Variants in KALRN observed in about 807,000 individuals in gnomAD.
KALRN encodes kalirin.
A neutral mutation model predicts 353.7 loss-of-function variants in KALRN; 70 were observed. The observed-to-expected ratio is 0.20, with a 90% confidence interval of 0.16 to 0.24. KALRN has a LOEUF of 0.24. KALRN is among the 10% of genes least tolerant of loss of function. The pLI is 1.00. For missense variants in KALRN, 2,791 were observed against 3,756.7 expected (o/e 0.74, Z 6.72); for synonymous variants, 1,391 against 1,434.8 (o/e 0.97, Z 0.69).
intron 34 of KALRN, among the ~76,000 whole-genome samples, chr3:124,617,188 G>A (rs2078707962): frequency 6.6e-6 from 1 of 152,074 alleles, no homozygotes; most frequent in South Asian, 2.1e-4. Flanking sequence ...AAAAAAATTA[G>A]CTGGGCATGG....
chr3:124,258,597 C>A (rs1375917185), intron 3 of KALRN, among the ~76,000 whole-genome samples: 1 of 152,126 alleles, frequency 6.6e-6, no homozygotes, highest in African/African-American at 2.4e-5. Context: ...GGGATCTCAC[C>A]CACTTGTGTG....
chr3:124,471,427 A>G (rs2107924987), intron 25 of KALRN, among the ~76,000 whole-genome samples: 1 of 151,816 alleles, frequency 6.6e-6, no homozygotes, highest in East Asian at 1.9e-4. Flanking sequence ...CTGGGCTTAC[A>G]GGCGCCCACC....
At chr3:124,586,628 G>A (rs2075219869) in intron 34 of KALRN, among the ~76,000 whole-genome samples, 1 of 152,194 alleles carries the variant, frequency 6.6e-6, no homozygotes. Flanking sequence ...GGAGGCGTGC[G>A]AGTGGCTATC....
intron 28 of KALRN, among the ~76,000 whole-genome samples, chr3:124,487,398 G>T (rs922087780): frequency 1.3e-5 from 2 of 152,308 alleles, no homozygotes; most frequent in East Asian, 1.9e-4. Flanking sequence ...AAGAAAGAGG[G>T]TATTGCCCCT....
At chr3:124,069,432 G>A (rs768506176) in intron 1 of KALRN, among the ~76,000 whole-genome samples, 7 of 151,872 alleles carry the variant, frequency 4.6e-5, no homozygotes, top group Non-Finnish European at 1.0e-4. Flanking sequence ...GAGCTGAGTC[G>A]ACACGTGTCC....
rs1329224983 is a variant in KALRN at position 124,334,817 on chromosome 3, C to CA, written c.1647+323dup. Among the ~76,000 whole-genome samples, 1 of 152,146 alleles carries CA rather than the reference C, an allele frequency of 6.6e-6. No homozygotes were observed. Among genetic ancestry groups the CA allele is most frequent in the Non-Finnish European group, 1.5e-5 (1 of 68,036 alleles). ...TTTGTTTTGTTTTGTTTTTTGGAAA[C>CA]AGAGTCTCGCTCTGCCGCCTGGGCT... is the stretch of plus-strand genomic sequence containing the variant. On this transcript the variant is annotated intron_variant, in intron 9 of 59. Coordinates refer to ENST00000682506, the MANE Select transcript of KALRN (RefSeq NM_001388419.1). This position sits in a 1 kb window ranked among gnomAD's most constrained non-coding sequence, Gnocchi z 4.2.
chr3:124,277,383 C>T (rs1201005999), intron 5 of KALRN, among the ~76,000 whole-genome samples: 6 of 152,098 alleles, frequency 3.9e-5, no homozygotes, highest in African/African-American at 7.2e-5. Flanking sequence ...CTCCTGTTGA[C>T]GGAGCTCAGG....
At chr3:124,660,802 C>A in intron 43 of KALRN, 121 bp from the exon 44 acceptor site, 2 of 708,738 alleles carry the variant, frequency 2.8e-6, no homozygotes, top group Non-Finnish European at 5.1e-6. Context: ...TACACCATTG[C>A]CACTTCTGCT....
chr3:124,269,875 TTTTCTG>T, intron 5 of KALRN, among the ~76,000 whole-genome samples: 1 of 152,320 alleles, frequency 6.6e-6, no homozygotes, highest in South Asian at 2.1e-4. Flanking sequence ...AATCCAGCAT[TTTTCTG>T]TTTCTAAGTC....
In KALRN at chr3:124,334,724, G is replaced by A. The variant is rs1462599921; in HGVS notation, c.1647+229G>A. On this transcript the variant is annotated intron_variant, in intron 9 of 59. Coordinates refer to ENST00000682506, the MANE Select transcript of KALRN (RefSeq NM_001388419.1). This position sits in a 1 kb window ranked among gnomAD's most constrained non-coding sequence, Gnocchi z 4.2. ...CTGTATAGACTGGCCTTCTCACCAC[G>A]TGGTATTGTAAAGGGAGACTCAGTC... Among the ~76,000 whole-genome samples, 14 of 152,202 alleles carry A rather than the reference G, an allele frequency of 9.2e-5. No individual in the cohort carries two copies. Among genetic ancestry groups the A allele is most frequent in the Admixed American group, 9.2e-4 (14 of 15,284 alleles).
At chr3:124,544,866 G>T (rs1375643054) in intron 33 of KALRN, among the ~76,000 whole-genome samples, 2 of 152,174 alleles carry the variant, frequency 1.3e-5, no homozygotes, top group Non-Finnish European at 2.9e-5. Context: ...CAATCCTAAA[G>T]GGGCAGGACA....
chr3:124,530,865 A>G (rs2067985508), intron 33 of KALRN, among the ~76,000 whole-genome samples: 1 of 152,206 alleles, frequency 6.6e-6, no homozygotes. Context: ...TCCCTAAGAC[A>G]ATTCAATCGA....
At chr3:124,312,171 T>C (rs569330341) in intron 6 of KALRN, among the ~76,000 whole-genome samples, 1 of 152,316 alleles carries the variant, frequency 6.6e-6, no homozygotes, top group South Asian at 2.1e-4. Context: ...TTTCATTTCA[T>C]TTCATTTAGA....
chr3:124,296,957 T>C (rs965725370), intron 5 of KALRN, among the ~76,000 whole-genome samples: 3 of 152,216 alleles, frequency 2.0e-5, no homozygotes, highest in African/African-American at 7.2e-5. Flanking sequence ...CAACAGCCAA[T>C]ATTCACCTCT....
intron 6 of KALRN, among the ~76,000 whole-genome samples, chr3:124,303,059 TG>T (rs1346096782): frequency 5.9e-5 from 9 of 152,280 alleles, no homozygotes; most frequent in South Asian, 2.1e-4. Context: ...AAGAAATAAT[TG>T]CATATCATTA....
rs202156623 is a variant in KALRN at position 124,330,459 on chromosome 3, A to AT, written c.1416+471dup. Among the ~76,000 whole-genome samples, 71 of 152,102 alleles carry AT rather than the reference A, an allele frequency of 4.7e-4. No homozygotes were observed. The East Asian group carries it at 0.013, about 28-fold the overall frequency. On this transcript the variant is annotated intron_variant, in intron 8 of 59. Transcript: ENST00000682506. ...GAAGCAGCTCATTAAAAAAAGATTA[A>AT]TTTTCTCACTAGACGATCCAGAGGA...
chr3:124,671,611 CT>C, intron 47 of KALRN, 48 bp from the exon 48 acceptor site: 1 of 1,391,792 alleles, frequency 7.2e-7, no homozygotes, highest in South Asian at 1.2e-5. Flanking sequence ...CCTCCAAATC[CT>C]TGTGGGATTC....
At position 124,422,979 on chromosome 3, in the gene KALRN, G is replaced by T; in HGVS notation, c.2709+1G>T. 1 of 1,613,282 alleles carries T rather than the reference G, an allele frequency of 6.2e-7. No individual in the cohort carries two copies. The highest frequency in any genetic ancestry group is 8.5e-7 in the Non-Finnish European group (1 of 1,179,506). ...TCACCTCCAGGCTGAAGTCAAACAG[G>T]TAAGCCCAGCCCTTCTTCCTTCAGC... is the stretch of plus-strand genomic sequence containing the variant. On this transcript the variant is annotated splice_donor_variant, in intron 15 of 59. Transcript: ENST00000682506. LOFTEE classifies it high-confidence loss of function.
At position 124,561,773 on chromosome 3, in the gene KALRN, C is replaced by T. The variant is rs79470403; in HGVS notation, c.4936-1070C>T. Among the ~76,000 whole-genome samples, 601 of 152,300 alleles carry T rather than the reference C, an allele frequency of 3.9e-3. 3 individuals are homozygous for T. The highest frequency in any genetic ancestry group is 7.2e-3 in the Non-Finnish European group (493 of 68,032). On this transcript the variant is annotated intron_variant, in intron 33 of 59. Transcript: ENST00000682506. ...TGAACTTTAGAGGATAACAGGCTAC[C>T]AAGCTGGGCCTCAGCCTCCTCATTC...
Sources: gnomAD v4.1 joint callset for allele counts (sites outside exome capture counted in the v4.1 genomes callset) on GRCh38, gnomAD v4.1.1 for gene constraint, Gnocchi (gnomAD v3.1) non-coding constraint, MANE v1.5 for transcripts, NCBI Gene and HGNC (gene_info 2026-07-23, HGNC 2026-07-21) for gene names.